CNOT2: variants seen among roughly 807,000 people sequenced by gnomAD.
CNOT2 encodes the protein CC chemokine receptor 4-negative regulator of transcription 2.
CNOT2 carries 7 observed loss-of-function variants against 72.1 expected under a neutral mutation model. That is an observed-to-expected ratio of 0.10 (90% CI 0.06 to 0.18). CNOT2 has a LOEUF of 0.18. Ranked by LOEUF, CNOT2 falls within the 10% of genes least tolerant of loss-of-function variation. CNOT2 has a pLI of 1.00. For missense variants in CNOT2, 345 were observed against 660.3 expected (o/e 0.52, Z 5.23); for synonymous variants, 196 against 225.6 (o/e 0.87, Z 1.17).
At chr12:70,324,848 T>C (rs1284592752) in intron 4 of CNOT2, among the ~76,000 whole-genome samples, 1 of 151,832 alleles carries the variant, frequency 6.6e-6, no homozygotes, top group Non-Finnish European at 1.5e-5. Context: ...GACTGAACTA[T>C]TGTAACATTT....
intron 2 of CNOT2, among the ~76,000 whole-genome samples, chr12:70,296,761 C>G (rs1018889829): frequency 1.4e-5 from 2 of 146,410 alleles, no homozygotes; most frequent in Non-Finnish European, 3.0e-5. Flanking sequence ...ATTTAAGCCC[C>G]CCCCCCTTTT....
At chr12:70,308,475 G>T (rs957022329) in intron 2 of CNOT2, among the ~76,000 whole-genome samples, 8 of 151,692 alleles carry the variant, frequency 5.3e-5, no homozygotes, top group African/African-American at 1.9e-4. Context: ...AGTCATGTAA[G>T]AATAATTAGT....
intron 7 of CNOT2, among the ~76,000 whole-genome samples, chr12:70,333,375 A>T (rs1000704117): frequency 1.3e-5 from 2 of 151,924 alleles, no homozygotes; most frequent in Non-Finnish European, 2.9e-5. Context: ...TGGAAAACCA[A>T]CTCTGATTTT....
In CNOT2 at chr12:70,277,468, A is replaced by G. The variant is rs576974241; in HGVS notation, c.-95-664A>G. On this transcript the variant is annotated intron_variant, in intron 1 of 15. Coordinates refer to ENST00000229195, the MANE Select transcript of CNOT2 (RefSeq NM_014515.7). ...ATCATCCCCATTATTTTTTCGCCCA[A>G]TGTAAAAAAGTGAATTCCCTATTGG... Among the ~76,000 whole-genome samples the G allele has an allele frequency of 6.7e-4, 102 of 152,220 alleles. 1 individual carries two copies. In the South Asian group the frequency reaches 0.019, roughly 28 times the overall value.
At chr12:70,291,712 CAGATCACCAGGTCAGG>C (rs1319383947) in intron 2 of CNOT2, among the ~76,000 whole-genome samples, 6 of 151,910 alleles carry the variant, frequency 3.9e-5, no homozygotes, top group Non-Finnish European at 8.8e-5. Flanking sequence ...CTGAGGCGGG[CAGATCACCAGGTCAGG>C]AGATCGAGAC....
intron 11 of CNOT2, 113 bp from the exon 12 acceptor site, chr12:70,341,994 G>A: frequency 1.3e-6 from 1 of 760,166 alleles, no homozygotes; most frequent in South Asian, 1.5e-5. Flanking sequence ...CCCAAGTAAG[G>A]GAATTAGAAG....
chr12:70,311,714 C>G (rs375997230), intron 3 of CNOT2, among the ~76,000 whole-genome samples: 1 of 151,998 alleles, frequency 6.6e-6, no homozygotes, highest in Non-Finnish European at 1.5e-5. Context: ...AATGTACTCT[C>G]TAGTCACACC....
intron 15 of CNOT2, among the ~76,000 whole-genome samples, chr12:70,350,396 A>G (rs1047187808): frequency 3.3e-5 from 5 of 152,220 alleles, no homozygotes; most frequent in Non-Finnish European, 1.5e-5. Context: ...ATACTTTAGT[A>G]ATGTGTACTT....
intron 2 of CNOT2, chr12:70,297,736 T>G (rs1873062100): frequency 2.7e-6 from 1 of 368,426 alleles, no homozygotes; most frequent in Admixed American, 3.3e-5. Flanking sequence ...GGATAATAAT[T>G]TTTTTTTGTT....
Position 70,354,117 on chromosome 12 carries a change from A to T in CNOT2, c.*202A>T. 1 of 1,024,004 alleles carries T rather than the reference A, an allele frequency of 9.8e-7. No homozygotes were observed. The allele number at this position is 1,024,004 out of a possible 1,614,324, so 63.4% of individuals were successfully genotyped here. A position where few individuals can be genotyped will look rare whatever the true frequency, so the allele number is the denominator to read the frequency against. ...TGTGCTGCCCAACAACTAAATTTGT[A>T]ATTTGTTTTTCTCTAGTTTGAGCAG... On this transcript the variant is annotated 3_prime_UTR_variant, in exon 16 of 16. Coordinates refer to ENST00000229195, the MANE Select transcript of CNOT2 (RefSeq NM_014515.7).
chr12:70,344,371 A>G, intron 14 of CNOT2, 143 bp downstream of exon 14: 1 of 587,022 alleles, frequency 1.7e-6, no homozygotes, highest in East Asian at 2.9e-5. Context: ...AGTGAATTTA[A>G]TTTAGATTAA....
chr12:70,342,138 G>A lies in CNOT2; in HGVS notation c.1210G>A (p.Ala404Thr). Residue 404 changes from alanine (A) to threonine (T), a missense_variant, in exon 12 of 16, where the codon GCA (alanine) becomes ACA (threonine). Ala to Thr is a moderately conservative substitution (Grantham distance 58). This residue lies in a region of CNOT2 where 128 missense variants were observed against 233.0 expected (regional missense o/e 0.55). Coordinates refer to ENST00000229195, the MANE Select transcript of CNOT2 (RefSeq NM_014515.7). ...NLYPKFASPW[A>T]SSPCRPQDID... ...CTACCCCAAATTTGCGTCACCCTGG[G>A]CATCTTCACCTTGTCGACCTCAAGA... 2 of 1,610,392 alleles carry A rather than the reference G, an allele frequency of 1.2e-6. No homozygotes were observed. The highest frequency in any genetic ancestry group is 1.7e-6 in the Non-Finnish European group (2 of 1,176,802).
intron 3 of CNOT2, among the ~76,000 whole-genome samples, chr12:70,315,328 C>T (rs1468813834): frequency 6.6e-6 from 1 of 151,964 alleles, no homozygotes; most frequent in Non-Finnish European, 1.5e-5. Flanking sequence ...ATGCTTTCTT[C>T]CTTTTTCTTT....
At chr12:70,318,585 G>T (rs1877753757) in intron 3 of CNOT2, among the ~76,000 whole-genome samples, 1 of 151,730 alleles carries the variant, frequency 6.6e-6, no homozygotes, top group Non-Finnish European at 1.5e-5. Flanking sequence ...TGATACCTTT[G>T]TGTAGCTCCA....
At chr12:70,306,348 G>A (rs1157631494) in intron 2 of CNOT2, among the ~76,000 whole-genome samples, 2 of 151,920 alleles carry the variant, frequency 1.3e-5, no homozygotes, top group African/African-American at 2.4e-5. Context: ...GTAGAGACAG[G>A]GTTTCACGTT....
chr12:70,314,912 G>A (rs1215254032), intron 3 of CNOT2, among the ~76,000 whole-genome samples: 1 of 152,060 alleles, frequency 6.6e-6, no homozygotes, highest in Non-Finnish European at 1.5e-5. Context: ...TGCCCAGGCT[G>A]GAGTGTAATG....
chr12:70,319,665 T>A (rs1288041088), intron 4 of CNOT2, among the ~76,000 whole-genome samples: 1 of 151,694 alleles, frequency 6.6e-6, no homozygotes, highest in Admixed American at 6.6e-5. Flanking sequence ...AGACATTCTC[T>A]GTGTTTTCAA....
At chr12:70,276,214 AT>A (rs1868770716) in intron 1 of CNOT2, among the ~76,000 whole-genome samples, 1 of 152,008 alleles carries the variant, frequency 6.6e-6, no homozygotes, top group African/African-American at 2.4e-5. Context: ...TAGCCTATAA[AT>A]TTCAGTCATT....
rs1368556851 is a variant in CNOT2, at chr12:70,329,403, C to T, written c.239-20C>T. Reference sequence around the variant, plus strand: ...ATTCCTGATGGCAATGAATTTCCTTCTTCTGAATTTTTTTATTAGGTGCAC... The same window carrying T: ...ATTCCTGATGGCAATGAATTTCCTTTTTCTGAATTTTTTTATTAGGTGCAC... On this transcript the variant is annotated intron_variant, in intron 4 of 15. Transcript: ENST00000229195. 6.3e-7 allele frequency: 1 copy of T among 1,597,390 alleles called. No homozygotes were observed. Among genetic ancestry groups the T allele is most frequent in the Non-Finnish European group, 8.6e-7 (1 of 1,166,398 alleles).
Sources: gnomAD v4.1 joint callset for allele counts (sites outside exome capture counted in the v4.1 genomes callset) on GRCh38, gnomAD v4.1.1 for gene constraint, gnomAD v4.1.1 regional missense constraint, MANE v1.5 for transcripts, NCBI Gene and HGNC (gene_info 2026-07-23, HGNC 2026-07-21) for gene names.